Variants in SEC62 observed in about 807,000 individuals in gnomAD.
SEC62 encodes the protein SEC62 preprotein translocation factor, also known as translocation protein SEC62.
Under a neutral mutation model 47.5 loss-of-function variants are expected in SEC62, and 10 were observed. That is an observed-to-expected ratio of 0.21 (90% confidence interval 0.13 to 0.36). The LOEUF (loss-of-function observed/expected upper bound fraction) is 0.36, where lower values mean the gene tolerates loss of function less well. Ranked by LOEUF, SEC62 falls within the 10% of genes least tolerant of loss-of-function variation. The pLI is 1.00. For missense variants in SEC62, 327 were observed against 464.1 expected (o/e 0.70, Z 2.71); for synonymous variants, 136 against 150.5 (o/e 0.90, Z 0.71).
rs1477998227 is a variant in SEC62 at position 169,995,756 on chromosome 3, G to A, written c.*2693G>A. 6.6e-6 allele frequency: 1 copy of A among 152,136 alleles called. No individual in the cohort carries two copies. The highest frequency in any genetic ancestry group is 1.5e-5 in the Non-Finnish European group (1 of 68,016). 9.4% of individuals were successfully genotyped at this position (152,136 alleles called of 1,614,324 possible). ...ATATAGAACCTAGGGGAAATACAAG[G>A]CTAGATTTCTGCAAGCCACTGGTCA... On this transcript the variant is annotated 3_prime_UTR_variant, in exon 8 of 8. Coordinates refer to ENST00000337002, the MANE Select transcript of SEC62 (RefSeq NM_003262.4).
Position 169,985,875 on chromosome 3 carries a change from G to C in SEC62, c.610+10G>C. The C allele has an allele frequency of 6.3e-7, 1 of 1,599,390 alleles. No individual in the cohort carries two copies. Among genetic ancestry groups the C allele is most frequent in the Non-Finnish European group, 8.6e-7 (1 of 1,168,158 alleles). On this transcript the variant is annotated intron_variant, in intron 6 of 7. Coordinates refer to ENST00000337002, the MANE Select transcript of SEC62 (RefSeq NM_003262.4). ...ATGGGATTAATTCTTGGTAAGTAGT[G>C]AGATGTTAATAGCTATAAAGTGCAA...
intron 1 of SEC62, 133 bp downstream of exon 1, chr3:169,966,991 A>G (rs1180157254): frequency 9.5e-7 from 1 of 1,047,614 alleles, no homozygotes; most frequent in Non-Finnish European, 1.4e-6. Flanking sequence ...GCCGCGAGGC[A>G]GCTGGCTGCA....
intron 1 of SEC62, among the ~76,000 whole-genome samples, chr3:169,971,620 G>A (rs1324977606): frequency 6.6e-6 from 1 of 152,094 alleles, no homozygotes; most frequent in Non-Finnish European, 1.5e-5. Context: ...CAAAGGACAG[G>A]GTGCAGTTTT....
At chr3:169,983,364 T>A in intron 5 of SEC62, 111 bp downstream of exon 5, 1 of 543,290 alleles carries the variant, frequency 1.8e-6, no homozygotes, top group Admixed American at 3.6e-5. Flanking sequence ...ATTATGCTCT[T>A]AAATGTATAA....
chr3:169,985,613 T>C (rs1439112320), intron 5 of SEC62, 192 bp from the exon 6 acceptor site: 1 of 464,372 alleles, frequency 2.2e-6, no homozygotes, highest in Non-Finnish European at 3.8e-6. Context: ...AGTTATCCTA[T>C]AATCATTTTC....
At chr3:169,977,955 A>T (rs1280651308) in intron 3 of SEC62, among the ~76,000 whole-genome samples, 1 of 152,202 alleles carries the variant, frequency 6.6e-6, no homozygotes, top group Non-Finnish European at 1.5e-5. Flanking sequence ...TAGTTGCCAA[A>T]GACTAGAGGT....
At chr3:169,975,539 T>C in intron 1 of SEC62, 69 bp from the exon 2 acceptor site, 1 of 1,014,532 alleles carries the variant, frequency 9.9e-7, no homozygotes. Context: ...AATAGATTTG[T>C]AAATTATTAT....
At chr3:169,986,388 T>A (rs145932342) in intron 6 of SEC62, among the ~76,000 whole-genome samples, 3 of 152,306 alleles carry the variant, frequency 2.0e-5, no homozygotes, top group Non-Finnish European at 4.4e-5. Flanking sequence ...TCCAAATCCC[T>A]TAGACTATAC....
At chr3:169,973,893 A>G (rs576889822) in intron 1 of SEC62, among the ~76,000 whole-genome samples, 1 of 152,328 alleles carries the variant, frequency 6.6e-6, no homozygotes, top group South Asian at 2.1e-4. Context: ...CTTGCGAAAT[A>G]CAAAGGAAGA....
At chr3:169,967,593 AC>A (rs1714567367) in intron 1 of SEC62, among the ~76,000 whole-genome samples, 1 of 152,126 alleles carries the variant, frequency 6.6e-6, no homozygotes, top group African/African-American at 2.4e-5. Context: ...AACGTACATA[AC>A]ATCTCCCCCT....
At chr3:169,972,269 A>G (rs1714716268) in intron 1 of SEC62, among the ~76,000 whole-genome samples, 1 of 151,942 alleles carries the variant, frequency 6.6e-6, no homozygotes, top group Admixed American at 6.6e-5. Flanking sequence ...TACACACTTA[A>G]TCTCCCAGTA....
chr3:169,968,525 A>G (rs1376893121), intron 1 of SEC62: 1 of 148,188 alleles, frequency 6.7e-6, no homozygotes. Flanking sequence ...GTAAGAAAAC[A>G]TATTTACCTC....
At chr3:169,987,136 A>T (rs2108286913) in intron 6 of SEC62, among the ~76,000 whole-genome samples, 1 of 152,128 alleles carries the variant, frequency 6.6e-6, no homozygotes, top group Admixed American at 6.5e-5. Flanking sequence ...ATTCAAAATA[A>T]CTCTTTAAGG....
chr3:169,979,761 T>C (rs1714926772), intron 3 of SEC62, among the ~76,000 whole-genome samples: 1 of 152,208 alleles, frequency 6.6e-6, no homozygotes, highest in South Asian at 2.1e-4. Flanking sequence ...AGTTAGTACC[T>C]CCCAGTTTGG....
At chr3:169,989,174 G>A (rs1390847663) in intron 7 of SEC62, among the ~76,000 whole-genome samples, 1 of 150,084 alleles carries the variant, frequency 6.7e-6, no homozygotes, top group Non-Finnish European at 1.5e-5. Flanking sequence ...GCTCACTGCA[G>A]CCTTGAATTC....
At chr3:169,987,327 G>T (rs1174034100) in intron 6 of SEC62, among the ~76,000 whole-genome samples, 1 of 152,164 alleles carries the variant, frequency 6.6e-6, no homozygotes, top group African/African-American at 2.4e-5. Flanking sequence ...GCTGAGGTGG[G>T]AGGATCACCT....
At chr3:169,977,278 C>A (rs1255392205) in intron 3 of SEC62, among the ~76,000 whole-genome samples, 2 of 152,028 alleles carry the variant, frequency 1.3e-5, no homozygotes, top group Non-Finnish European at 2.9e-5. Flanking sequence ...TATTTGTGAG[C>A]CCTACTGAAG....
At chr3:169,976,329 C>T (rs1005897779) in intron 2 of SEC62, among the ~76,000 whole-genome samples, 3 of 152,104 alleles carry the variant, frequency 2.0e-5, no homozygotes, top group African/African-American at 7.2e-5. Context: ...GATCCCACCA[C>T]TGTACTCCAG....
chr3:169,968,943 AAC>A (rs1559963158), intron 1 of SEC62, among the ~76,000 whole-genome samples: 1 of 152,234 alleles, frequency 6.6e-6, no homozygotes, highest in Admixed American at 6.5e-5. Context: ...CATGCAGCCT[AAC>A]ACACTTATGA....
Sources: allele counts gnomAD v4.1 joint callset (sites outside exome capture counted in the v4.1 genomes callset), GRCh38; gene constraint gnomAD v4.1.1; transcripts MANE v1.5; gene names NCBI Gene and HGNC (gene_info 2026-07-23, HGNC 2026-07-21).